The following CDH22 variants were observed in gnomAD, a reference collection of about 807,000 sequenced individuals.
CDH22 encodes the protein cadherin-22.
Under a neutral mutation model 58.4 loss-of-function variants are expected in CDH22, and 30 were observed. The observed-to-expected ratio is 0.51, with a 90% CI of 0.38 to 0.70. CDH22 has a LOEUF of 0.70. Ranked by LOEUF, CDH22 falls within the 30% of genes least tolerant of loss-of-function variation. The pLI, the probability that CDH22 is intolerant of heterozygous loss-of-function variation, is 0.00. For missense variants in CDH22, 1,014 were observed against 1,233.9 expected (o/e 0.82, Z 2.67); for synonymous variants, 513 against 558.2 (o/e 0.92, Z 1.14).
intron 8 of CDH22, among the ~76,000 whole-genome samples, chr20:46,190,010 T>C (rs1266464055): frequency 6.6e-6 from 1 of 152,040 alleles, no homozygotes; most frequent in East Asian, 1.9e-4. Flanking sequence ...CAAACCACTA[T>C]GCTAGGGTGA....
Position 46,281,940 on chromosome 20 carries a change from C to T in CDH22, c.-400+26315G>A, listed in dbSNP as rs138472049. ...ATGCGGGTGCTACTATTACAGATGCCTTTTACAGATGACAGAATGCAGAGC... is the reference window on the plus strand; with the variant it reads ...ATGCGGGTGCTACTATTACAGATGCTTTTTACAGATGACAGAATGCAGAGC... On this transcript the variant is annotated intron_variant, in intron 1 of 11. Transcript: ENST00000537909. 1.5e-3 allele frequency among the ~76,000 whole-genome samples: 236 copies of T among 152,342 alleles called. 2 individuals are homozygous for T. The highest frequency in any genetic ancestry group is 5.5e-3 in the African/African-American group (227 of 41,566).
intron 1 of CDH22, among the ~76,000 whole-genome samples, chr20:46,263,344 C>A (rs995448747): frequency 6.6e-6 from 1 of 151,942 alleles, no homozygotes; most frequent in Non-Finnish European, 1.5e-5. Flanking sequence ...CTACTATGTG[C>A]CAGGCTAAGT....
intron 1 of CDH22, among the ~76,000 whole-genome samples, chr20:46,306,683 C>G (rs1362343723): frequency 6.6e-6 from 1 of 152,108 alleles, no homozygotes; most frequent in Admixed American, 6.5e-5. Flanking sequence ...CAGTTGAGTG[C>G]TACAGAAAAA....
chr20:46,185,565 T>C lies in CDH22; in HGVS notation c.1663+1023A>G, dbSNP rs74275012. 1.0e-3 allele frequency among the ~76,000 whole-genome samples: 154 copies of C among 152,042 alleles called. 1 individual carries two copies. The East Asian group carries it at 0.029, about 29-fold the overall frequency. On this transcript the variant is annotated intron_variant, in intron 10 of 11. Transcript: ENST00000537909. ...ACTACCTCACAGGATGGCTGTGAGG[T>C]TGCAGAAAGAAATGTGAGTGGGCCT...
At chr20:46,274,541 A>G (rs1194240677) in intron 1 of CDH22, among the ~76,000 whole-genome samples, 1 of 152,234 alleles carries the variant, frequency 6.6e-6, no homozygotes, top group African/African-American at 2.4e-5. Flanking sequence ...AGTTAAATGT[A>G]AATGTACTAT....
At position 46,251,229 on chromosome 20, in the gene CDH22, C is replaced by T. The variant is rs1226063577; in HGVS notation, c.66G>A (p.Leu22=). The T allele has an allele frequency of 6.8e-7, 1 of 1,473,066 alleles. No homozygotes were observed. The allele number at this position is 1,473,066 out of a possible 1,614,324, so 91.2% of individuals were successfully genotyped here. A position where few individuals can be genotyped will look rare whatever the true frequency, so the allele number is the denominator to read the frequency against. Residue 22 remains leucine (L), a synonymous_variant, in exon 2 of 12, where the codon CTG becomes CTA. Transcript: ENST00000537909. This position sits in a 1 kb window ranked among gnomAD's most constrained non-coding sequence, Gnocchi z 6.7. ...TCGGCGGCGGCGGCAGCAGCAGCAG[C>T]AGCAGTAGCGCGGGGGACAGCGCGA... ...AGVALSPALL[L]LLLLPPPPTL...
At chr20:46,279,647 C>G (rs999400388) in intron 1 of CDH22, among the ~76,000 whole-genome samples, 1 of 152,172 alleles carries the variant, frequency 6.6e-6, no homozygotes, top group African/African-American at 2.4e-5. Flanking sequence ...GTGATACATA[C>G]TAAGCTCATC....
intron 1 of CDH22, among the ~76,000 whole-genome samples, chr20:46,253,795 G>A (rs990152238): frequency 6.6e-6 from 1 of 152,198 alleles, no homozygotes; most frequent in Non-Finnish European, 1.5e-5. Context: ...GCCCTGCAGG[G>A]ATGCAGAGGA....
At chr20:46,262,388 C>T (rs764547785) in intron 1 of CDH22, among the ~76,000 whole-genome samples, 16 of 152,046 alleles carry the variant, frequency 1.1e-4, no homozygotes, top group Middle Eastern at 3.2e-3. Context: ...AAAGGCTGAC[C>T]TGGGGCCCCC....
chr20:46,185,130 TACACACACAC>T (rs11467388), intron 10 of CDH22, among the ~76,000 whole-genome samples: 20,669 of 148,660 alleles, frequency 0.14, 1,446 homozygotes, highest in African/African-American at 0.15. Context: ...CCCACACGCA[TACACACACAC>T]ACACACACAC....
At chr20:46,287,033 T>C (rs1175788242) in intron 1 of CDH22, among the ~76,000 whole-genome samples, 3 of 152,112 alleles carry the variant, frequency 2.0e-5, no homozygotes, top group South Asian at 2.1e-4. Context: ...CTCTGAGGGA[T>C]AGAGGGGATG....
intron 1 of CDH22, among the ~76,000 whole-genome samples, chr20:46,257,430 C>T (rs1244067177): frequency 6.6e-6 from 1 of 152,088 alleles, no homozygotes; most frequent in Non-Finnish European, 1.5e-5. Context: ...GGGGGAGCAG[C>T]GGAGATGCTG....
intron 1 of CDH22, among the ~76,000 whole-genome samples, chr20:46,276,583 C>T (rs2086518262): frequency 6.6e-6 from 1 of 152,204 alleles, no homozygotes; most frequent in South Asian, 2.1e-4. Flanking sequence ...CTCCTTTAAT[C>T]CACACATCAG....
intron 2 of CDH22, among the ~76,000 whole-genome samples, chr20:46,245,827 T>C (rs1000599191): frequency 1.1e-4 from 16 of 152,114 alleles, no homozygotes; most frequent in Non-Finnish European, 2.1e-4. Flanking sequence ...TGATGTCTCA[T>C]CTTGTGCATC....
At position 46,210,637 on chromosome 20, in the gene CDH22, A is replaced by C. The variant is rs1361537848; in HGVS notation, c.1033-77T>G. On this transcript the variant is annotated intron_variant, in intron 6 of 11. Coordinates refer to ENST00000537909, the MANE Select transcript of CDH22 (RefSeq NM_021248.3). This position sits in a 1 kb window ranked among gnomAD's most constrained non-coding sequence, Gnocchi z 4.5. ...AGGCCTTCACGAGGGAGGCCAAGGC[A>C]GGCGGGGTTGGCCCAAGGTCACACG... 13 of 1,342,902 alleles carry C rather than the reference A, an allele frequency of 9.7e-6. No individual in the cohort carries two copies. The highest frequency in any genetic ancestry group is 1.3e-5 in the Non-Finnish European group (13 of 1,026,064). The allele number at this position is 1,342,902 out of a possible 1,614,324, so 83.2% of individuals were successfully genotyped here.
chr20:46,298,246 T>A (rs570471282), intron 1 of CDH22, among the ~76,000 whole-genome samples: 1 of 152,370 alleles, frequency 6.6e-6, no homozygotes, highest in Non-Finnish European at 1.5e-5. Flanking sequence ...CCATTCTTCT[T>A]CACTTTGGAT....
chr20:46,177,380 G>A (rs1240809318), intron 11 of CDH22, among the ~76,000 whole-genome samples: 1 of 152,122 alleles, frequency 6.6e-6, no homozygotes, highest in Non-Finnish European at 1.5e-5. Flanking sequence ...TAGTGGCCTG[G>A]TACCAGTGTA....
At chr20:46,193,456 C>T (rs1362442990) in intron 8 of CDH22, among the ~76,000 whole-genome samples, 2 of 152,304 alleles carry the variant, frequency 1.3e-5, no homozygotes, top group South Asian at 4.1e-4. Context: ...ATATGTTCCC[C>T]CGACTCCATG....
intron 4 of CDH22, among the ~76,000 whole-genome samples, chr20:46,226,264 TCTTCTTCTTCTTCTTCTTCTTCTTC>T (rs772123402): frequency 0.46 from 57,712 of 126,186 alleles, 15,428 homozygotes; most frequent in Non-Finnish European, 0.56. Context: ...TTCTTCTTCT[TCTTCTTCTTCTTCTTCTTCTTCTTC>T]TTCTTTTTTT....
Sources: gnomAD v4.1 joint callset for allele counts (sites outside exome capture counted in the v4.1 genomes callset) on GRCh38, gnomAD v4.1.1 for gene constraint, Gnocchi (gnomAD v3.1) non-coding constraint, MANE v1.5 for transcripts, NCBI Gene and HGNC (gene_info 2026-07-23, HGNC 2026-07-21) for gene names.